Variants in TNFRSF10D observed in about 807,000 individuals in gnomAD.
TNFRSF10D encodes the protein tumor necrosis factor receptor superfamily member 10D.
Under a neutral mutation model 42.1 loss-of-function variants are expected in TNFRSF10D, and 28 were observed. The observed-to-expected ratio is 0.66, with a 90% confidence interval of 0.49 to 0.91. The LOEUF is 0.91. Ranked by LOEUF, TNFRSF10D falls within the 40% of genes least tolerant of loss-of-function variation. The probability of loss-of-function intolerance (pLI) is 0.00; values close to 1 mark genes in which losing one functional copy is unlikely to be tolerated. For missense variants in TNFRSF10D, 503 were observed against 486.1 expected, an observed-to-expected ratio of 1.03 and a Z score of -0.33; for synonymous variants, 186 against 189.4, an observed-to-expected ratio of 0.98 and a Z score of 0.15.
chr8:23,163,905 C>A lies in TNFRSF10D; in HGVS notation c.31G>T (p.Ala11Ser). The part of the protein sequence containing the change: MGLWGQSVPT[A>S]SSARAGRYPG... ...TAGCGCCCTGCTCGAGCGCTCGAGG[C>A]GGTCGGGACGCTTTGTCCCCAAAGT... Residue 11 changes from alanine to serine, a missense_variant, in exon 1 of 9, where the codon GCC becomes TCC. Coordinates refer to ENST00000312584, the MANE Select transcript of TNFRSF10D (RefSeq NM_003840.5). 1.3e-6 allele frequency: 2 copies of A among 1,585,150 alleles called. No homozygotes were observed. The highest frequency in any genetic ancestry group is 1.7e-6 in the Non-Finnish European group (2 of 1,169,302).
chr8:23,149,841 A>G (rs1261056950), intron 2 of TNFRSF10D, among the ~76,000 whole-genome samples: 2 of 151,712 alleles, frequency 1.3e-5, no homozygotes, highest in Non-Finnish European at 2.9e-5. Context: ...CTCATCACTT[A>G]ATTTCTTCAT....
Position 23,163,949 on chromosome 8 carries a change from G to GGT in TNFRSF10D, c.-16_-15dup. 1 of 1,540,856 alleles carries GGT rather than the reference G, an allele frequency of 6.5e-7. No homozygotes were observed. Among genetic ancestry groups the GGT allele is most frequent in the Non-Finnish European group, 8.7e-7 (1 of 1,149,062 alleles). ...CCAAAGTCCCATGAGAAGGGAGGAGGGTGGATCGAAAGCGCCAAAAATCAA... is the reference window on the plus strand; with the variant it reads ...CCAAAGTCCCATGAGAAGGGAGGAGGGTGTGGATCGAAAGCGCCAAAAATCAA... On this transcript the variant is annotated 5_prime_UTR_variant, in exon 1 of 9. Transcript: ENST00000312584.
intron 2 of TNFRSF10D, among the ~76,000 whole-genome samples, chr8:23,151,173 G>T (rs151006907): frequency 2.3e-4 from 35 of 152,114 alleles, no homozygotes; most frequent in African/African-American, 8.0e-4. Flanking sequence ...GACAAGCAAT[G>T]TACAAAGGAA....
At chr8:23,158,744 G>A (rs1800317386) in intron 1 of TNFRSF10D, among the ~76,000 whole-genome samples, 1 of 152,110 alleles carries the variant, frequency 6.6e-6, no homozygotes, top group African/African-American at 2.4e-5. Flanking sequence ...AAGTGCTATA[G>A]GGAATACAGT....
At position 23,156,699 on chromosome 8, in the gene TNFRSF10D, G is replaced by C. The variant is rs192254351; in HGVS notation, c.151-1720C>G. ...CCAACCTCAGTCCCTAAGTGGCCGG[G>C]ACCACAGACAGGAGAGTGCCCCAAT... On this transcript the variant is annotated intron_variant, in intron 1 of 8. Transcript: ENST00000312584. 8.2e-3 allele frequency among the ~76,000 whole-genome samples: 1,247 copies of C among 152,150 alleles called. 17 individuals are homozygous for C. The highest frequency in any genetic ancestry group is 0.054 in the Middle Eastern group (16 of 294).
At chr8:23,150,806 G>A (rs1367668848) in intron 2 of TNFRSF10D, among the ~76,000 whole-genome samples, 9 of 149,850 alleles carry the variant, frequency 6.0e-5, no homozygotes, top group South Asian at 2.1e-4. Flanking sequence ...TTGATTAATC[G>A]GAAGAAAGAA....
chr8:23,152,011 T>C (rs1047555761), intron 2 of TNFRSF10D, among the ~76,000 whole-genome samples: 5 of 152,248 alleles, frequency 3.3e-5, no homozygotes, highest in Admixed American at 3.3e-4. Context: ...GTTCATCTTG[T>C]ACATGTCCCT....
chr8:23,152,530 G>A (rs1024423648), intron 2 of TNFRSF10D, among the ~76,000 whole-genome samples: 3 of 152,202 alleles, frequency 2.0e-5, no homozygotes, highest in Non-Finnish European at 4.4e-5. Context: ...GAACAAATGT[G>A]CTAGATCAAA....
rs533948052 is a variant in TNFRSF10D, at chr8:23,148,960, G to A, written c.257-409C>T. Among the ~76,000 whole-genome samples the A allele has an allele frequency of 2.4e-3, 363 of 151,794 alleles. 2 individuals carry two copies. The highest frequency in any genetic ancestry group is 3.8e-3 in the Non-Finnish European group (259 of 67,962). On this transcript the variant is annotated intron_variant, in intron 2 of 8. Coordinates refer to ENST00000312584, the MANE Select transcript of TNFRSF10D (RefSeq NM_003840.5). ...AATCCCAGTACTTAGGGAGGCCAAG[G>A]CGGACGAATCACGAGGTCAGGAGAT...
At chr8:23,156,929 C>CTTTG (rs1179908402) in intron 1 of TNFRSF10D, among the ~76,000 whole-genome samples, 788 of 151,868 alleles carry the variant, frequency 5.2e-3, no homozygotes, top group African/African-American at 0.016. Flanking sequence ...CTCCTTGTTA[C>CTTTG]TTTGGTTTAA....
At chr8:23,138,035 T>G in intron 8 of TNFRSF10D, 32 bp from the exon 9 acceptor site, 1 of 1,611,082 alleles carries the variant, frequency 6.2e-7, no homozygotes, top group Middle Eastern at 1.7e-4. Context: ...AGGGTCTCAA[T>G]GCTCCAAGGA....
chr8:23,158,516 C>A (rs373662144), intron 1 of TNFRSF10D, among the ~76,000 whole-genome samples: 5 of 152,308 alleles, frequency 3.3e-5, no homozygotes, highest in African/African-American at 9.6e-5. Flanking sequence ...CCCTTCCAAA[C>A]ATTTCTACCA....
At chr8:23,156,562 T>C (rs1008062264) in intron 1 of TNFRSF10D, among the ~76,000 whole-genome samples, 1 of 149,058 alleles carries the variant, frequency 6.7e-6, no homozygotes, top group Non-Finnish European at 1.5e-5. Flanking sequence ...CTCAACTCTT[T>C]TTTTTTTTTT....
intron 1 of TNFRSF10D, among the ~76,000 whole-genome samples, chr8:23,161,042 G>A (rs1007083777): frequency 1.3e-5 from 2 of 152,260 alleles, no homozygotes; most frequent in South Asian, 4.1e-4. Flanking sequence ...AGTAGGAACA[G>A]GTGCAGCCTC....
At chr8:23,158,260 C>T (rs187489071) in intron 1 of TNFRSF10D, among the ~76,000 whole-genome samples, 12 of 152,278 alleles carry the variant, frequency 7.9e-5, no homozygotes, top group African/African-American at 2.4e-4. Context: ...TCTCAGGAGG[C>T]GAAGAGCTGA....
Position 23,145,781 on chromosome 8 carries a change from G to C in TNFRSF10D, c.623C>G (p.Ser208Cys), listed in dbSNP as rs199848212. 6.2e-7 allele frequency: 1 copy of C among 1,614,248 alleles called. No individual in the cohort carries two copies. Among genetic ancestry groups the C allele is most frequent in the Admixed American group, 1.7e-5 (1 of 60,030 alleles). ...TVTTILGMLASPYHYLIIIVV... is the reference protein window; with the variant it reads ...TVTTILGMLACPYHYLIIIVV... ...TATGATGATAAGGTAGTGATAGGGA[G>C]AGGCAAGCATCCCCAGGATGGTGGT... The change falls in exon 5 of 9, where the codon TCT (serine) becomes TGT (cysteine). Residue 208 changes from serine (S) to cysteine (C), a missense_variant. Physicochemically the swap from Ser to Cys is moderately radical, Grantham distance 112 (BLOSUM62 -1). Transcript: ENST00000312584.
chr8:23,162,181 A>G (rs4872063), intron 1 of TNFRSF10D, among the ~76,000 whole-genome samples: 25,891 of 152,194 alleles, frequency 0.17, 2,889 homozygotes, highest in East Asian at 0.58. Context: ...GCAACTGTGC[A>G]TTGAAATGCA....
At chr8:23,155,149 G>A (rs896850637) in intron 1 of TNFRSF10D, among the ~76,000 whole-genome samples, 170 bp from the exon 2 acceptor site, 1 of 151,854 alleles carries the variant, frequency 6.6e-6, no homozygotes, top group African/African-American at 2.4e-5. Context: ...GGCCTGTTAG[G>A]TAGCTATTTT....
intron 2 of TNFRSF10D, 57 bp from the exon 3 acceptor site, chr8:23,148,608 C>T (rs1585261269): frequency 2.3e-6 from 3 of 1,318,848 alleles, no homozygotes; most frequent in Non-Finnish European, 3.2e-6. Flanking sequence ...CAGAGGCTGA[C>T]AATGGCTGGC....
Sources: gnomAD v4.1 joint callset for allele counts (sites outside exome capture counted in the v4.1 genomes callset) on GRCh38, gnomAD v4.1.1 for gene constraint, MANE v1.5 for transcripts, NCBI Gene and HGNC (gene_info 2026-07-23, HGNC 2026-07-21) for gene names.